The following RBFOX1 variants were observed in gnomAD, a reference collection of about 807,000 sequenced individuals.
RBFOX1 encodes RNA binding fox-1 homolog 1.
In RBFOX1, 8 loss-of-function variants were observed where a neutral mutation model predicts 57.7. The ratio of observed to expected loss-of-function variants is 0.14; its 90% CI spans 0.08 to 0.25. The LOEUF is 0.25. RBFOX1 is among the 10% of genes least tolerant of loss of function. The probability of loss-of-function intolerance (pLI) is 1.00; values close to 1 mark genes in which losing one functional copy is unlikely to be tolerated. For missense variants in RBFOX1, 611 were observed against 548.5 expected (o/e 1.11, Z -1.14); for synonymous variants, 326 against 222.4 (o/e 1.47, Z -4.15).
At chr16:7,262,538 T>A (rs2094958702) in intron 4 of RBFOX1, among the ~76,000 whole-genome samples, 2 of 152,278 alleles carry the variant, frequency 1.3e-5, no homozygotes, top group Admixed American at 1.3e-4. Context: ...CAGGCATGCA[T>A]AGCACCCCAC....
chr16:6,853,102 C>T (rs1460232995), intron 3 of RBFOX1, among the ~76,000 whole-genome samples: 2 of 152,160 alleles, frequency 1.3e-5, no homozygotes, highest in Admixed American at 6.5e-5. Context: ...TCCCTCCCTC[C>T]ATATATACTA....
intron 4 of RBFOX1, among the ~76,000 whole-genome samples, chr16:7,137,551 C>A (rs367948217): frequency 6.6e-6 from 1 of 152,180 alleles, no homozygotes; most frequent in Admixed American, 6.5e-5. Context: ...CCACGTGGAA[C>A]TGTGAGTCCA....
chr16:5,413,656 C>G (rs74007408), intron 1 of RBFOX1, among the ~76,000 whole-genome samples: 4,070 of 152,204 alleles, frequency 0.027, 164 homozygotes, highest in African/African-American at 0.092. Context: ...TGAGGACTTG[C>G]TATGTGTCAG....
At chr16:5,389,491 A>C (rs912568359) in intron 1 of RBFOX1, among the ~76,000 whole-genome samples, 12 of 152,004 alleles carry the variant, frequency 7.9e-5, no homozygotes, top group Admixed American at 7.2e-4. Flanking sequence ...GACATCGCCA[A>C]ATGTCCTCTG....
At chr16:6,028,695 A>C (rs1231389531) in intron 1 of RBFOX1, among the ~76,000 whole-genome samples, 1 of 151,994 alleles carries the variant, frequency 6.6e-6, no homozygotes, top group African/African-American at 2.4e-5. Context: ...AAAAAAGAAC[A>C]TGAAGCTCTT....
intron 2 of RBFOX1, among the ~76,000 whole-genome samples, chr16:6,535,189 C>T (rs186945603): frequency 6.6e-6 from 1 of 152,254 alleles, no homozygotes; most frequent in Non-Finnish European, 1.5e-5. Context: ...CACTCAAAGT[C>T]TCATGTCCTG....
intron 1 of RBFOX1, among the ~76,000 whole-genome samples, chr16:6,166,167 C>A (rs547658769): frequency 6.6e-6 from 1 of 152,298 alleles, no homozygotes; most frequent in Admixed American, 6.5e-5. Context: ...TCTTAGTTGG[C>A]AATTCAGTCA....
At chr16:6,423,226 A>G (rs973465536) in intron 2 of RBFOX1, among the ~76,000 whole-genome samples, 1 of 152,186 alleles carries the variant, frequency 6.6e-6, no homozygotes. Context: ...TCTGACCAAC[A>G]TTTTGTTCGG....
chr16:6,216,503 A>G (rs1010848453), intron 1 of RBFOX1, among the ~76,000 whole-genome samples: 4 of 152,104 alleles, frequency 2.6e-5, no homozygotes, highest in African/African-American at 9.7e-5. Flanking sequence ...GACCCTCTGT[A>G]TTTGGCTTGA....
intron 4 of RBFOX1, among the ~76,000 whole-genome samples, chr16:7,286,748 C>T (rs938964580): frequency 5.9e-5 from 9 of 151,604 alleles, no homozygotes; most frequent in African/African-American, 1.5e-4. Context: ...CTCAGCCTCC[C>T]GAGTAGCTGG....
chr16:5,957,846 A>T (rs562347314), intron 4 of RBFOX1, among the ~76,000 whole-genome samples: 1 of 152,234 alleles, frequency 6.6e-6, no homozygotes, highest in African/African-American at 2.4e-5. Flanking sequence ...AGTTATTTGG[A>T]AATGTACAAT....
chr16:5,733,551 C>G (rs764099732), intron 3 of RBFOX1, among the ~76,000 whole-genome samples: 21 of 152,232 alleles, frequency 1.4e-4, no homozygotes, highest in Non-Finnish European at 2.6e-4. Flanking sequence ...GTCAGCTGGG[C>G]AAACTCAGGC....
rs962915382 is a variant in RBFOX1, at chr16:5,806,881, C to T, written c.319-60422C>T. ...CTTGGCCCACTGATGTTCCCAAATG[C>T]TCTTTCTAAACCTCTCAGAGCCACT... On this transcript the variant is annotated intron_variant, in intron 3 of 19. Transcript: ENST00000641259. Among the ~76,000 whole-genome samples, 6 of 152,186 alleles carry T rather than the reference C, an allele frequency of 3.9e-5. No individual in the cohort carries two copies. In the East Asian group the frequency reaches 1.2e-3, roughly 29 times the overall value.
At chr16:7,093,832 A>G (rs1293315756) in intron 4 of RBFOX1, among the ~76,000 whole-genome samples, 2 of 151,988 alleles carry the variant, frequency 1.3e-5, no homozygotes, top group Non-Finnish European at 2.9e-5. Flanking sequence ...CTGTAAAGTG[A>G]TTTGTATCAT....
rs925748783 is a variant in RBFOX1, at chr16:5,791,591, A to C, written c.319-75712A>C. ...GTGAATGGGTGACTCTCCAGGTTCCAGGAACAAGGGGTCTTAAGTTACTTG... is the reference window on the plus strand; with the variant it reads ...GTGAATGGGTGACTCTCCAGGTTCCCGGAACAAGGGGTCTTAAGTTACTTG... On this transcript the variant is annotated intron_variant, in intron 3 of 19. Coordinates refer to the RBFOX1 transcript ENST00000641259. Among the ~76,000 whole-genome samples the C allele has an allele frequency of 4.6e-5, 7 of 152,156 alleles. 1 individual carries two copies. The highest frequency in any genetic ancestry group is 1.0e-4 in the Non-Finnish European group (7 of 68,028).
chr16:6,506,624 A>ATTTTTTTT lies in RBFOX1; in HGVS notation c.-63-147945_-63-147938dup, dbSNP rs71145238. On this transcript the variant is annotated intron_variant, in intron 2 of 15. Coordinates refer to ENST00000550418, the MANE Select transcript of RBFOX1 (RefSeq NM_018723.4). The stretch of plus-strand genomic sequence containing the variant: ...ACGGTAATAACAATCACAGTAGCTA[A>ATTTTTTTT]TTTTTTTTTTTTTTTTTTTTTTTTT... 2.6e-4 allele frequency among the ~76,000 whole-genome samples: 26 copies of ATTTTTTTT among 98,458 alleles called. 1 individual carries two copies. The highest frequency in any genetic ancestry group is 8.3e-4 in the African/African-American group (19 of 22,974). The allele number at this position is 98,458 out of a possible 152,430, so 64.6% of individuals were successfully genotyped here.
intron 1 of RBFOX1, among the ~76,000 whole-genome samples, chr16:6,151,056 C>G (rs80158035): frequency 0.014 from 2,158 of 152,190 alleles, 63 homozygotes; most frequent in African/African-American, 0.049. Context: ...CTACAAGATC[C>G]TACTAGAACG....
At chr16:7,065,699 T>C (rs1455085945) in intron 4 of RBFOX1, among the ~76,000 whole-genome samples, 2 of 152,170 alleles carry the variant, frequency 1.3e-5, no homozygotes, top group Non-Finnish European at 2.9e-5. Flanking sequence ...TTGGGGAATA[T>C]AATACGCTGT....
chr16:7,630,695 G>C lies in RBFOX1; in HGVS notation c.757+12G>C, dbSNP rs1211555195. On this transcript the variant is annotated intron_variant, in intron 11 of 15. Transcript: ENST00000550418. Reference sequence around the variant, plus strand: ...ATATACTTCTGCAAGTAAGCCCACTGTCGTGGCTCTTTTTGTTTTGTGACA... The same window carrying C: ...ATATACTTCTGCAAGTAAGCCCACTCTCGTGGCTCTTTTTGTTTTGTGACA... 6.2e-7 allele frequency: 1 copy of C among 1,614,036 alleles called. No homozygotes were observed. Among genetic ancestry groups the C allele is most frequent in the African/African-American group, 1.3e-5 (1 of 75,042 alleles).
Sources: allele counts gnomAD v4.1 joint callset (sites outside exome capture counted in the v4.1 genomes callset), GRCh38; gene constraint gnomAD v4.1.1; transcripts MANE v1.5; gene names NCBI Gene and HGNC (gene_info 2026-07-23, HGNC 2026-07-21).